ZNF780B: variants seen among roughly 807,000 people sequenced by gnomAD.
ZNF780B encodes the protein zinc finger protein 780B.
Under a neutral mutation model 74.1 loss-of-function variants are expected in ZNF780B, and 52 were observed. The observed-to-expected ratio is 0.70, with a 90% CI of 0.56 to 0.88. The LOEUF (loss-of-function observed/expected upper bound fraction) is 0.88, where lower values mean the gene tolerates loss of function less well. ZNF780B is among the 40% of genes least tolerant of loss of function. The pLI, the probability that ZNF780B is intolerant of heterozygous loss-of-function variation, is 0.00. For synonymous variants in ZNF780B, 315 were observed against 324.3 expected (o/e 0.97, Z 0.31); for missense variants, 953 against 1,007.6 (o/e 0.95, Z 0.73).
chr19:40,048,768 A>G lies in ZNF780B; in HGVS notation c.38T>C (p.Ile13Thr), dbSNP rs148778256. ...HGSVTFRDVA[I>T]DFSQEEWECL... is the part of the protein sequence containing the mutation. Reference sequence around the variant, plus strand: ...CTCCCACTCCTCCTGAGAGAAGTCAATGGCCACATCCCTGAATGTCACTGA... The same window carrying G: ...CTCCCACTCCTCCTGAGAGAAGTCAGTGGCCACATCCCTGAATGTCACTGA... The change falls in exon 3 of 5, where the codon ATT (isoleucine) becomes ACT (threonine). Residue 13 changes from isoleucine to threonine, a missense_variant. Transcript: ENST00000434248. 7.1e-5 allele frequency: 115 copies of G among 1,614,192 alleles called. 1 individual carries two copies. In the South Asian group the frequency reaches 1.1e-3, roughly 15 times the overall value.
Position 40,035,150 on chromosome 19 carries a change from G to A in ZNF780B, c.1709C>T (p.Ser570Leu), listed in dbSNP as rs750125813. Reference protein sequence around the residue: ...KECGKFFRRGSNLNQHRSIHT... With the variant: ...KECGKFFRRGLNLNQHRSIHT... Reference sequence around the variant, plus strand: ...AATACTTCGATGTTGATTAAGATTTGAACCACGACGAAAGAATTTCCCACA... The same window carrying A: ...AATACTTCGATGTTGATTAAGATTTAAACCACGACGAAAGAATTTCCCACA... Residue 570 changes from serine to leucine, a missense_variant, in exon 5 of 5, where the codon TCA becomes TTA. Transcript: ENST00000434248. The A allele has an allele frequency of 5.6e-6, 9 of 1,613,428 alleles. No homozygotes were observed. The South Asian group carries it at 9.9e-5, about 18-fold the overall frequency.
In ZNF780B at chr19:40,035,329, G is replaced by C; in HGVS notation, c.1530C>G (p.Phe510Leu). The C allele has an allele frequency of 1.2e-6, 2 of 1,613,284 alleles. No individual in the cohort carries two copies. The highest frequency in any genetic ancestry group is 1.7e-6 in the Non-Finnish European group (2 of 1,179,788). The change falls in exon 5 of 5, where the codon TTC (phenylalanine) becomes TTG (leucine). Residue 510 changes from phenylalanine to leucine, a missense_variant. Transcript: ENST00000434248. ...PFECKDCGKA[F>L]NRGSNLVQHQ... Reference sequence around the variant, plus strand: ...GTTGAACAAGGTTCGAGCCACGATTGAAGGCCTTCCCACAGTCTTTACATT... The same window carrying C: ...GTTGAACAAGGTTCGAGCCACGATTCAAGGCCTTCCCACAGTCTTTACATT...
chr19:40,031,918 C>T lies in ZNF780B; in HGVS notation c.*2439G>A, dbSNP rs761300602. 2.4e-5 allele frequency: 8 copies of T among 329,558 alleles called. No individual in the cohort carries two copies. In the Admixed American group the frequency reaches 3.0e-4, roughly 12 times the overall value. 20.4% of individuals were successfully genotyped at this position (329,558 alleles called of 1,614,324 possible). On this transcript the variant is annotated 3_prime_UTR_variant, in exon 5 of 5. Transcript: ENST00000434248. ...GCGGTTACCAGCTTACCCAAATGAT[C>T]ATCCTTAGTTTCACTAATGCAAGGA... is the stretch of plus-strand genomic sequence containing the variant.
Position 40,034,445 on chromosome 19 carries a change from A to G in ZNF780B, c.2414T>C (p.Val805Ala). The change falls in exon 5 of 5, where the codon GTG becomes GCG. Residue 805 changes from valine (V) to alanine (A), a missense_variant. Transcript: ENST00000434248. ...ATTTCTTACATTCAAAGGGTTTCTC[A>G]CCTGTACAAGTTTTTGATGCAGAGA... ...QLSLHQKLVQ[V>A]RNPLNVRNVG... 6.2e-7 allele frequency: 1 copy of G among 1,613,938 alleles called. No individual in the cohort carries two copies. Among genetic ancestry groups the G allele is most frequent in the Non-Finnish European group, 8.5e-7 (1 of 1,179,978 alleles).
intron 4 of ZNF780B, among the ~76,000 whole-genome samples, chr19:40,040,577 A>T (rs1471369449): frequency 6.6e-6 from 1 of 152,094 alleles, no homozygotes; most frequent in Admixed American, 6.6e-5. Flanking sequence ...GATTATTGCC[A>T]CAATTTCAGA....
chr19:40,036,340 G>T lies in ZNF780B; in HGVS notation c.519C>A (p.Tyr173Ter), dbSNP rs982972162. The change falls in exon 5 of 5, where the codon TAC becomes TAA. Residue 173 changes from tyrosine to a stop codon, truncating the protein, a stop_gained. Transcript: ENST00000434248. LOFTEE classifies it high-confidence loss of function. ...KPYECKECGK[Y>*]FSCGSNLIQH... is the part of the protein sequence containing the mutation. ...GAATAAGATTTGAACCACAACTAAA[G>T]TATTTCCCACATTCCTTACATTCAT... 1.2e-6 allele frequency: 2 copies of T among 1,613,754 alleles called. No homozygotes were observed. The highest frequency in any genetic ancestry group is 3.3e-4 in the Middle Eastern group (2 of 6,058).
chr19:40,047,461 A>T lies in ZNF780B; in HGVS notation c.146T>A (p.Ile49Asn). 6.2e-7 allele frequency: 1 copy of T among 1,610,436 alleles called. No individual in the cohort carries two copies. The highest frequency in any genetic ancestry group is 8.5e-7 in the Non-Finnish European group (1 of 1,178,246). ...YSHLISLGSS[I>N]SKPDVITLLE... The stretch of plus-strand genomic sequence containing the variant: ...TAATGTAATCACATCTGGCTTAGAA[A>T]TGGAACTTCCTGCTTAAAAGAAATA... Residue 49 changes from isoleucine (I) to asparagine (N), a missense_variant, in exon 4 of 5, where the codon ATT becomes AAT. Transcript: ENST00000434248.
rs149178822 is a variant in ZNF780B, at chr19:40,034,817, A to C, written c.2042T>G (p.Val681Gly). 0.01 allele frequency: 16,612 copies of C among 1,609,626 alleles called. 121 individuals carry two copies. The highest frequency in any genetic ancestry group is 0.013 in the Non-Finnish European group (15,359 of 1,178,598). The change falls in exon 5 of 5, where the codon GTT becomes GGT. Residue 681 changes from valine (V) to glycine (G), a missense_variant. Coordinates refer to ENST00000434248, the MANE Select transcript of ZNF780B (RefSeq NM_001005851.3). ...CKECGKGFSRVSNLIQHQKTH... is the reference protein window; with the variant it reads ...CKECGKGFSRGSNLIQHQKTH... The stretch of plus-strand genomic sequence containing the variant: ...TTTCTGATGCTGAATAAGGTTTGAA[A>C]CACGACTAAAGCCTTTCCCACACTC...
At chr19:40,053,657 C>T (rs1399623058) in intron 1 of ZNF780B, among the ~76,000 whole-genome samples, 1 of 152,116 alleles carries the variant, frequency 6.6e-6, no homozygotes, top group African/African-American at 2.4e-5. Flanking sequence ...TGGAATCAAT[C>T]TAACTGTCTA....
At chr19:40,048,574 C>G in intron 3 of ZNF780B, 96 bp downstream of exon 3, 1 of 1,584,728 alleles carries the variant, frequency 6.3e-7, no homozygotes, top group South Asian at 1.1e-5. Flanking sequence ...AAGAAGGAAT[C>G]CAACTACCTC....
At chr19:40,050,785 T>A (rs146167438) in intron 1 of ZNF780B, among the ~76,000 whole-genome samples, 2 of 152,176 alleles carry the variant, frequency 1.3e-5, no homozygotes, top group Non-Finnish European at 1.5e-5. Context: ...CATCATCCAA[T>A]CCAGAACCTC....
At chr19:40,048,911 T>G (rs1973072940) in intron 2 of ZNF780B, 115 bp from the exon 3 acceptor site, 1 of 1,476,766 alleles carries the variant, frequency 6.8e-7, no homozygotes, top group Non-Finnish European at 9.2e-7. Context: ...AATCGCAGAG[T>G]GCCTACACAT....
At chr19:40,050,911 A>C (rs1044414862) in intron 1 of ZNF780B, among the ~76,000 whole-genome samples, 3 of 152,254 alleles carry the variant, frequency 2.0e-5, no homozygotes, top group African/African-American at 7.2e-5. Flanking sequence ...AGCTGGGGTA[A>C]GTACAGTTCA....
intron 4 of ZNF780B, among the ~76,000 whole-genome samples, chr19:40,042,800 C>T (rs550617249): frequency 5.9e-5 from 9 of 152,246 alleles, no homozygotes; most frequent in South Asian, 2.1e-4. Context: ...GTTATCCATT[C>T]GTCTAATTTT....
chr19:40,049,707 A>C (rs1973119846), intron 2 of ZNF780B, among the ~76,000 whole-genome samples: 1 of 152,122 alleles, frequency 6.6e-6, no homozygotes, highest in Non-Finnish European at 1.5e-5. Flanking sequence ...CCACAAGACC[A>C]TGTTTCCCTG....
In ZNF780B at chr19:40,050,430, C is replaced by G. The variant is rs1050701042; in HGVS notation, c.-45-53G>C. 17 of 1,463,084 alleles carry G rather than the reference C, an allele frequency of 1.2e-5. No individual in the cohort carries two copies. In the African/African-American group the frequency reaches 2.0e-4, roughly 17 times the overall value. 90.6% of individuals were successfully genotyped at this position (1,463,084 alleles called of 1,614,324 possible). Reference sequence around the variant, plus strand: ...CTAAGTCAAGCTGTGTCCGAAAGCACTAGAACGAATAAATATTTTATCCTC... The same window carrying G: ...CTAAGTCAAGCTGTGTCCGAAAGCAGTAGAACGAATAAATATTTTATCCTC... On this transcript the variant is annotated intron_variant, in intron 1 of 4. Coordinates refer to ENST00000434248, the MANE Select transcript of ZNF780B (RefSeq NM_001005851.3).
In ZNF780B at chr19:40,031,793, C is replaced by T. The variant is rs1200573009; in HGVS notation, c.*2564G>A. 4.0e-6 allele frequency: 1 copy of T among 251,848 alleles called. No individual in the cohort carries two copies. The highest frequency in any genetic ancestry group is 2.2e-5 in the African/African-American group (1 of 44,908). The allele number at this position is 251,848 out of a possible 1,614,324, so 15.6% of individuals were successfully genotyped here. On this transcript the variant is annotated 3_prime_UTR_variant, in exon 5 of 5. Coordinates refer to ENST00000434248, the MANE Select transcript of ZNF780B (RefSeq NM_001005851.3). Reference sequence around the variant, plus strand: ...TTTCAATTTTCATTTTGTATTCAATCCAGGGCTTAAGTACACGTGACTATA... The same window carrying T: ...TTTCAATTTTCATTTTGTATTCAATTCAGGGCTTAAGTACACGTGACTATA...
chr19:40,041,504 G>A (rs1013696671), intron 4 of ZNF780B, among the ~76,000 whole-genome samples: 2 of 152,006 alleles, frequency 1.3e-5, no homozygotes, highest in Admixed American at 1.3e-4. Flanking sequence ...TTGACAGTGG[G>A]GTGTTAAAGT....
Position 40,033,990 on chromosome 19 carries a change from A to G in ZNF780B, c.*367T>C. ...GCAGTAAAGACTAAGCTAAATCCAAAAGTTTTCCACATTCTTTACACTCAC... is the reference window on the plus strand; with the variant it reads ...GCAGTAAAGACTAAGCTAAATCCAAGAGTTTTCCACATTCTTTACACTCAC... On this transcript the variant is annotated 3_prime_UTR_variant, in exon 5 of 5. Transcript: ENST00000434248. The G allele has an allele frequency of 7.1e-6, 2 of 280,488 alleles. No homozygotes were observed. Among genetic ancestry groups the G allele is most frequent in the Non-Finnish European group, 1.4e-5 (2 of 144,300 alleles). The allele number at this position is 280,488 out of a possible 1,614,324, so 17.4% of individuals were successfully genotyped here.
Sources: gnomAD v4.1 joint callset for allele counts (sites outside exome capture counted in the v4.1 genomes callset) on GRCh38, gnomAD v4.1.1 for gene constraint, MANE v1.5 for transcripts, NCBI Gene and HGNC (gene_info 2026-07-23, HGNC 2026-07-21) for gene names.